Variants in METTL16 observed in about 807,000 individuals in gnomAD.
METTL16 encodes RNA N(6)-adenosine-methyltransferase METTL16.
Under a neutral mutation model 57.9 loss-of-function variants are expected in METTL16, and 19 were observed. That is an observed-to-expected ratio of 0.33 (90% CI 0.23 to 0.48). METTL16 has a LOEUF of 0.48. Among genes scored for constraint, METTL16 ranks in the 20% least tolerant of loss-of-function variants. METTL16 has a pLI of 0.99. For missense variants in METTL16, 434 were observed against 691.5 expected (o/e 0.63, Z 4.18); for synonymous variants, 246 against 255.6 (o/e 0.96, Z 0.36).
chr17:2,471,511 C>G (rs1159331520), intron 4 of METTL16, among the ~76,000 whole-genome samples: 1 of 152,114 alleles, frequency 6.6e-6, no homozygotes, highest in African/African-American at 2.4e-5. Flanking sequence ...GATCAATGGC[C>G]AGGTGCAGTG....
At chr17:2,462,816 T>C (rs983969472) in intron 6 of METTL16, among the ~76,000 whole-genome samples, 1 of 152,184 alleles carries the variant, frequency 6.6e-6, no homozygotes, top group African/African-American at 2.4e-5. Flanking sequence ...TTTATAGCAG[T>C]GTGAGAATGG....
chr17:2,481,009 C>T (rs754547372), intron 2 of METTL16, among the ~76,000 whole-genome samples: 3 of 152,100 alleles, frequency 2.0e-5, no homozygotes, highest in Non-Finnish European at 4.4e-5. Flanking sequence ...TCAAGACCAG[C>T]TTGGCCAACA....
At chr17:2,499,207 T>C (rs1161112439) in intron 2 of METTL16, among the ~76,000 whole-genome samples, 1 of 151,670 alleles carries the variant, frequency 6.6e-6, no homozygotes, top group Non-Finnish European at 1.5e-5. Context: ...CAGTGACATC[T>C]TTCTTGTTTT....
intron 2 of METTL16, among the ~76,000 whole-genome samples, chr17:2,498,910 G>A (rs1218288781): frequency 6.6e-6 from 1 of 151,444 alleles, no homozygotes; most frequent in Admixed American, 6.6e-5. Context: ...CTGCACCCCA[G>A]CCACGCTTCA....
rs777272829 is a variant in METTL16, at chr17:2,441,473, TA to T, written c.798+16del. ...AAGAAAAGTAGCTACACGAGAACAGTAATGAGGAAGCCTCACCCCTTGTATG... is the reference window on the plus strand; with the variant it reads ...AAGAAAAGTAGCTACACGAGAACAGTATGAGGAAGCCTCACCCCTTGTATG... On this transcript the variant is annotated intron_variant, in intron 7 of 9. Transcript: ENST00000263092. 4 of 1,566,252 alleles carry T rather than the reference TA, an allele frequency of 2.6e-6. No individual in the cohort carries two copies. The East Asian group carries it at 9.2e-5, about 36-fold the overall frequency.
Position 2,467,772 on chromosome 17 carries a change from A to G in METTL16, c.574T>C (p.Leu192=), listed in dbSNP as rs531338277. 4.4e-5 allele frequency: 71 copies of G among 1,613,494 alleles called. No homozygotes were observed. Among genetic ancestry groups the G allele is most frequent in the Non-Finnish European group, 5.7e-5 (67 of 1,179,426 alleles). The change falls in exon 5 of 10, where the codon TTG becomes CTG. Residue 192 remains leucine (L), a synonymous_variant. Transcript: ENST00000263092. ...MCNPPFFANQ[L]EAKGVNSRNP... ...AGAAGACATTTTACCTTGGCTTCCA[A>G]TTGATTGGCAAAAAAGGGAGGGTTG...
intron 1 of METTL16, among the ~76,000 whole-genome samples, chr17:2,507,668 G>A (rs1315497938): frequency 1.3e-5 from 2 of 152,248 alleles, no homozygotes; most frequent in Non-Finnish European, 2.9e-5. Context: ...GACAATGGCG[G>A]TTTTGTGGAA....
chr17:2,484,663 T>C (rs2067329193), intron 2 of METTL16, among the ~76,000 whole-genome samples: 1 of 152,074 alleles, frequency 6.6e-6, no homozygotes, highest in Admixed American at 6.6e-5. Flanking sequence ...CCCGGCTAAT[T>C]TTGTATTTTT....
At chr17:2,496,175 A>T (rs2151577867) in intron 2 of METTL16, among the ~76,000 whole-genome samples, 1 of 151,656 alleles carries the variant, frequency 6.6e-6, no homozygotes, top group East Asian at 1.9e-4. Flanking sequence ...ATCCTACACA[A>T]ATAGTATTTT....
intron 1 of METTL16, among the ~76,000 whole-genome samples, chr17:2,510,565 G>A (rs2067580212): frequency 6.6e-6 from 1 of 152,166 alleles, no homozygotes; most frequent in Admixed American, 6.6e-5. Context: ...TACAGAATGA[G>A]TAAATACAAC....
intron 6 of METTL16, among the ~76,000 whole-genome samples, chr17:2,459,051 C>T (rs2067130567): frequency 6.6e-6 from 1 of 152,128 alleles, no homozygotes; most frequent in Non-Finnish European, 1.5e-5. Flanking sequence ...AAGTGATCCA[C>T]CAACTCAGCC....
At chr17:2,502,449 T>A (rs2067496172) in intron 1 of METTL16, 118 bp from the exon 2 acceptor site, 1 of 848,286 alleles carries the variant, frequency 1.2e-6, no homozygotes, top group African/African-American at 1.7e-5. Flanking sequence ...GGTAAGTAGA[T>A]CACCTGATTC....
At chr17:2,470,565 T>C (rs1466947334) in intron 4 of METTL16, among the ~76,000 whole-genome samples, 1 of 152,114 alleles carries the variant, frequency 6.6e-6, no homozygotes, top group Non-Finnish European at 1.5e-5. Context: ...CTCCAGCACT[T>C]TGGGAGGCTG....
intron 2 of METTL16, among the ~76,000 whole-genome samples, chr17:2,498,352 C>T (rs758241519): frequency 6.6e-6 from 1 of 151,320 alleles, no homozygotes; most frequent in African/African-American, 2.5e-5. Context: ...GCAGAGCTTG[C>T]GGTGAGCCGA....
chr17:2,447,763 AGCC>A, intron 6 of METTL16, among the ~76,000 whole-genome samples: 1 of 116,474 alleles, frequency 8.6e-6, no homozygotes. Flanking sequence ...TGGGGGGATC[AGCC>A]CCCCGCCCGG....
At chr17:2,447,678 GC>G (rs1336623571) in intron 6 of METTL16, among the ~76,000 whole-genome samples, 2 of 138,838 alleles carry the variant, frequency 1.4e-5, no homozygotes, top group Non-Finnish European at 3.1e-5. Context: ...CCTCTGCCCG[GC>G]CAGCCGCCCC....
chr17:2,451,260 T>A lies in METTL16; in HGVS notation c.729-9701A>T, dbSNP rs1597450572. Among the ~76,000 whole-genome samples, 3 of 152,332 alleles carry A rather than the reference T, an allele frequency of 2.0e-5. No homozygotes were observed. In the East Asian group the frequency reaches 5.8e-4, roughly 29 times the overall value. On this transcript the variant is annotated intron_variant, in intron 6 of 9. Transcript: ENST00000263092. ...CTTTAAACAAACCCCGGTAAAGTTA[T>A]TTAAAGGATAATAAATTTCATTTGG... is the stretch of plus-strand genomic sequence containing the variant.
chr17:2,421,182 C>A (rs2066763071), intron 8 of METTL16, among the ~76,000 whole-genome samples: 1 of 152,048 alleles, frequency 6.6e-6, no homozygotes, highest in Non-Finnish European at 1.5e-5. Context: ...AGTAAGACCT[C>A]CATCTCTAAA....
intron 8 of METTL16, among the ~76,000 whole-genome samples, chr17:2,421,318 G>A (rs942141148): frequency 6.6e-6 from 1 of 151,968 alleles, no homozygotes; most frequent in African/African-American, 2.4e-5. Flanking sequence ...TTGCGCCACC[G>A]CAATCTAGCC....
Sources: allele counts gnomAD v4.1 joint callset (sites outside exome capture counted in the v4.1 genomes callset), GRCh38; gene constraint gnomAD v4.1.1; transcripts MANE v1.5; gene names NCBI Gene and HGNC (gene_info 2026-07-23, HGNC 2026-07-21).